ATP10B: variants seen among roughly 807,000 people sequenced by gnomAD.
The protein encoded by ATP10B is ATPase phospholipid transporting 10B (putative).
Under a neutral mutation model 141.2 loss-of-function variants are expected in ATP10B, and 122 were observed. That is an observed-to-expected ratio of 0.86 (90% CI 0.75 to 1.00). The LOEUF (loss-of-function observed/expected upper bound fraction) is 1.00, where lower values mean the gene tolerates loss of function less well. ATP10B is among the 50% of genes least tolerant of loss of function. The pLI is 0.00. For missense variants in ATP10B, 1,876 were observed against 1,825.3 expected (o/e 1.03, Z -0.51); for synonymous variants, 685 against 692.0 (o/e 0.99, Z 0.16).
At chr5:160,842,564 A>G (rs1205120928) in intron 1 of ATP10B, among the ~76,000 whole-genome samples, 1 of 152,042 alleles carries the variant, frequency 6.6e-6, no homozygotes, top group Non-Finnish European at 1.5e-5. Context: ...AGAAGAAACA[A>G]ATAACCAATA....
intron 1 of ATP10B, among the ~76,000 whole-genome samples, chr5:160,824,792 T>A (rs1287268205): frequency 6.6e-6 from 1 of 152,210 alleles, no homozygotes; most frequent in African/African-American, 2.4e-5. Flanking sequence ...GAAACATTGT[T>A]ATGCAATGCA....
chr5:160,840,122 T>C (rs899535262), intron 1 of ATP10B, among the ~76,000 whole-genome samples: 2 of 152,050 alleles, frequency 1.3e-5, no homozygotes, highest in African/African-American at 4.8e-5. Flanking sequence ...TTGTTCTTGT[T>C]TAGGATGTCT....
intron 22 of ATP10B, among the ~76,000 whole-genome samples, chr5:160,593,831 A>G (rs1308606934): frequency 6.6e-6 from 1 of 152,220 alleles, no homozygotes; most frequent in Non-Finnish European, 1.5e-5. Flanking sequence ...GGAAGTTTAG[A>G]GAAAAAAGAA....
the ATP10B span, among the ~76,000 whole-genome samples, chr5:160,912,332 T>C: frequency 1.3e-5 from 2 of 151,106 alleles, no homozygotes; most frequent in African/African-American, 4.9e-5. Context: ...ATCCCAGCAC[T>C]TTGGGAGACT....
At chr5:160,882,117 C>T in the ATP10B span, among the ~76,000 whole-genome samples, 1 of 152,042 alleles carries the variant, frequency 6.6e-6, no homozygotes, top group African/African-American at 2.4e-5. Context: ...AAGGAATGAA[C>T]AGGTAGGCCA....
intron 2 of ATP10B, among the ~76,000 whole-genome samples, chr5:160,738,236 TTAAAA>T: frequency 6.6e-6 from 1 of 152,194 alleles, no homozygotes; most frequent in East Asian, 1.9e-4. Context: ...TGAATGATAA[TTAAAA>T]TAAACATCAA....
chr5:160,834,453 G>A (rs1775293962), intron 1 of ATP10B, among the ~76,000 whole-genome samples: 1 of 152,026 alleles, frequency 6.6e-6, no homozygotes, highest in Non-Finnish European at 1.5e-5. Context: ...TTCAGTCTTG[G>A]GCTGCATGAG....
At position 160,616,101 on chromosome 5, in the gene ATP10B, A is replaced by ATT. The variant is rs113179038; in HGVS notation, c.2527-138_2527-137insAA. On this transcript the variant is annotated intron_variant, in intron 16 of 25. Coordinates refer to ENST00000327245, the MANE Select transcript of ATP10B (RefSeq NM_025153.3). Reference sequence around the variant, plus strand: ...ATTAGATGGGGCTTTCTTCTCAAAGACTTTTTTTTAAATATGTAAATTAAT... The same window carrying ATT: ...ATTAGATGGGGCTTTCTTCTCAAAGATTCTTTTTTTTAAATATGTAAATTAAT... The ATT allele has an allele frequency of 1.3e-3, 1,122 of 836,910 alleles. 3 individuals carry two copies. Among genetic ancestry groups the ATT allele is most frequent in the Middle Eastern group, 1.8e-3 (5 of 2,838 alleles). The allele number at this position is 836,910 out of a possible 1,614,324, so 51.8% of individuals were successfully genotyped here.
intron 7 of ATP10B, among the ~76,000 whole-genome samples, chr5:160,665,739 G>A (rs79452229): frequency 0.023 from 3,565 of 152,212 alleles, 149 homozygotes; most frequent in African/African-American, 0.078. Context: ...TGAATTACCC[G>A]AATATAGTAA....
chr5:160,895,347 G>A, the ATP10B span, among the ~76,000 whole-genome samples: 26 of 152,140 alleles, frequency 1.7e-4, no homozygotes, highest in African/African-American at 6.0e-4. Context: ...CAAAATAAAG[G>A]GGTGGAGAAA....
intron 8 of ATP10B, among the ~76,000 whole-genome samples, 178 bp downstream of exon 8, chr5:160,648,992 CA>C (rs369416034): frequency 1.3e-3 from 154 of 120,340 alleles, no homozygotes; most frequent in East Asian, 4.6e-3. Context: ...TATCACTCAG[CA>C]AAAAAAAAAA....
intron 3 of ATP10B, among the ~76,000 whole-genome samples, chr5:160,694,314 G>A (rs559130852): frequency 1.8e-4 from 28 of 152,306 alleles, no homozygotes; most frequent in African/African-American, 5.1e-4. Context: ...AACTCCCTAA[G>A]TTCCTTCCAG....
intron 8 of ATP10B, among the ~76,000 whole-genome samples, chr5:160,648,356 G>A (rs1022144185): frequency 6.6e-6 from 1 of 152,142 alleles, no homozygotes; most frequent in African/African-American, 2.4e-5. Context: ...ATCAGCTATT[G>A]TTAGGGTTAG....
chr5:160,568,159 G>A (rs1331118631), intron 25 of ATP10B, among the ~76,000 whole-genome samples: 2 of 152,124 alleles, frequency 1.3e-5, no homozygotes, highest in African/African-American at 4.8e-5. Context: ...ATGTCTCCCA[G>A]TTTCCTCAGA....
the ATP10B span, among the ~76,000 whole-genome samples, chr5:160,898,339 T>A: frequency 9.9e-5 from 15 of 152,154 alleles, no homozygotes; most frequent in Non-Finnish European, 1.8e-4. Flanking sequence ...GCAAAGGATA[T>A]GAACAGACAC....
chr5:160,803,266 C>T (rs1772520293), intron 1 of ATP10B, among the ~76,000 whole-genome samples: 1 of 152,202 alleles, frequency 6.6e-6, no homozygotes, highest in African/African-American at 2.4e-5. Context: ...ACCACTACCC[C>T]AGTTAACATT....
At chr5:160,778,433 G>A (rs1770490161) in intron 2 of ATP10B, among the ~76,000 whole-genome samples, 1 of 152,174 alleles carries the variant, frequency 6.6e-6, no homozygotes, top group Admixed American at 6.5e-5. Context: ...TACTCATTCA[G>A]TATTTCTTCA....
chr5:160,869,047 A>G, the ATP10B span, among the ~76,000 whole-genome samples: 1 of 152,196 alleles, frequency 6.6e-6, no homozygotes, highest in Non-Finnish European at 1.5e-5. Context: ...TTTGAAAGCT[A>G]CTTTATCTGT....
chr5:160,598,467 G>A (rs1414009100), intron 22 of ATP10B, among the ~76,000 whole-genome samples: 1 of 151,922 alleles, frequency 6.6e-6, no homozygotes, highest in Non-Finnish European at 1.5e-5. Context: ...CAGCACACCA[G>A]CATGGCACAT....
Sources: gnomAD v4.1 joint callset for allele counts (sites outside exome capture counted in the v4.1 genomes callset) on GRCh38, gnomAD v4.1.1 for gene constraint, MANE v1.5 for transcripts, NCBI Gene and HGNC (gene_info 2026-07-23, HGNC 2026-07-21) for gene names.